PCDHGA1: variants seen among roughly 807,000 people sequenced by gnomAD.
PCDHGA1 encodes protocadherin gamma subfamily A, 1, also known as protocadherin gamma-A1.
A neutral mutation model predicts 58.0 loss-of-function variants in PCDHGA1; 32 were observed. The ratio of observed to expected loss-of-function variants is 0.55; its 90% CI spans 0.42 to 0.74. PCDHGA1 has a LOEUF of 0.74. Among genes scored for constraint, PCDHGA1 ranks in the 30% least tolerant of loss-of-function variants. The pLI is 0.00. For missense variants in PCDHGA1, 1,205 were observed against 1,182.3 expected (o/e 1.02, Z -0.28); for synonymous variants, 498 against 501.1 (o/e 0.99, Z 0.08).
intron 1 of PCDHGA1, chr5:141,360,810 G>A: frequency 6.2e-7 from 1 of 1,613,878 alleles, no homozygotes; most frequent in East Asian, 2.2e-5. Context: ...AAAGTGGCAC[G>A]ACCCAAATCC....
chr5:141,467,284 C>T (rs2099140788), intron 1 of PCDHGA1, among the ~76,000 whole-genome samples: 1 of 152,080 alleles, frequency 6.6e-6, no homozygotes, highest in Non-Finnish European at 1.5e-5. Context: ...AACTCTTGAC[C>T]TCAAGTGATC....
At chr5:141,393,177 G>T (rs1330463387) in intron 1 of PCDHGA1, 1 of 1,613,292 alleles carries the variant, frequency 6.2e-7, no homozygotes, top group Non-Finnish European at 8.5e-7. Context: ...GGTAGAAATA[G>T]AAATAATTGA....
chr5:141,336,643 A>G (rs1308764802), intron 1 of PCDHGA1, among the ~76,000 whole-genome samples: 1 of 152,166 alleles, frequency 6.6e-6, no homozygotes, highest in Non-Finnish European at 1.5e-5. Flanking sequence ...AAGCAATAAA[A>G]CCCTTTTAGT....
intron 1 of PCDHGA1, chr5:141,344,563 ACTT>A (rs1268402490): frequency 4.3e-6 from 7 of 1,614,014 alleles, no homozygotes; most frequent in Non-Finnish European, 5.9e-6. Flanking sequence ...CCCAATGACT[ACTT>A]CTCTCTGGCT....
rs11410533 is a variant in PCDHGA1, at chr5:141,429,387, TAAAA to T, written c.2422-65415_2422-65412del. Among the ~76,000 whole-genome samples, 383 of 151,446 alleles carry T rather than the reference TAAAA, an allele frequency of 2.5e-3. 1 individual carries two copies. The highest frequency in any genetic ancestry group is 4.2e-3 in the South Asian group (20 of 4,786). ...AAATGGAGAAAATGTGTTTTTTTTT[TAAAA>T]AAAATTGAGATTAAGGTCTCATTAT... On this transcript the variant is annotated intron_variant, in intron 1 of 3. Transcript: ENST00000517417.
chr5:141,399,627 CG>C (rs2093851448), intron 1 of PCDHGA1: 1 of 1,613,906 alleles, frequency 6.2e-7, no homozygotes, highest in Non-Finnish European at 8.5e-7. Context: ...TGGCCTCTTA[CG>C]TGTCCATGAG....
intron 1 of PCDHGA1, chr5:141,364,231 C>G: frequency 7.2e-7 from 1 of 1,392,330 alleles, no homozygotes; most frequent in Non-Finnish European, 9.6e-7. Flanking sequence ...CAACGCTCCA[C>G]GCCCATTTTC....
chr5:141,492,077 C>G (rs917149790), intron 1 of PCDHGA1: 1 of 483,342 alleles, frequency 2.1e-6, no homozygotes, highest in African/African-American at 2.0e-5. Context: ...GGCGCCGGCT[C>G]CGGCACGCTT....
chr5:141,389,264 C>T, intron 1 of PCDHGA1: 1 of 1,614,018 alleles, frequency 6.2e-7, no homozygotes, highest in South Asian at 1.1e-5. Flanking sequence ...TCCACGTGGC[C>T]GAGAACAACC....
At chr5:141,352,763 G>A in intron 1 of PCDHGA1, 2 of 1,302,156 alleles carry the variant, frequency 1.5e-6, no homozygotes, top group South Asian at 2.8e-5. Context: ...GCTGAGGCAG[G>A]TGGATCACTT....
chr5:141,423,138 C>A (rs767107885), intron 1 of PCDHGA1: 3 of 1,613,606 alleles, frequency 1.9e-6, no homozygotes, highest in Non-Finnish European at 2.5e-6. Context: ...TGGACAGAGA[C>A]GCGCTCAAGC....
At chr5:141,422,989 C>T (rs777558098) in intron 1 of PCDHGA1, 1 of 1,614,232 alleles carries the variant, frequency 6.2e-7, no homozygotes, top group African/African-American at 1.3e-5. Flanking sequence ...ACCTGGCTAC[C>T]TGGTGACCAA....
At chr5:141,403,876 T>A (rs1189942027) in intron 1 of PCDHGA1, 3 of 1,613,702 alleles carry the variant, frequency 1.9e-6, no homozygotes, top group African/African-American at 1.3e-5. Flanking sequence ...AAAGTCTAGA[T>A]TATGAAGAAT....
intron 1 of PCDHGA1, among the ~76,000 whole-genome samples, chr5:141,354,011 GT>G (rs1408214396): frequency 1.1e-4 from 17 of 152,190 alleles, no homozygotes; most frequent in African/African-American, 4.1e-4. Flanking sequence ...GTAAATTACT[GT>G]AAGTATTCAT....
At chr5:141,412,906 T>G in intron 1 of PCDHGA1, 1 of 384,208 alleles carries the variant, frequency 2.6e-6, no homozygotes, top group Non-Finnish European at 4.6e-6. Context: ...TTCCATTGCA[T>G]GTATCACTTG....
At chr5:141,418,499 G>A (rs775606988) in intron 1 of PCDHGA1, 1 of 1,613,962 alleles carries the variant, frequency 6.2e-7, no homozygotes, top group Non-Finnish European at 8.5e-7. Context: ...GGTACTGACC[G>A]CCTTAGATGG....
At position 141,422,850 on chromosome 5, in the gene PCDHGA1, G is replaced by A. The variant is rs184432819; in HGVS notation, c.2422-71957G>A. On this transcript the variant is annotated intron_variant, in intron 1 of 3. Transcript: ENST00000517417. Reference sequence around the variant, plus strand: ...TGATAGCACGTGACAGCGGGGACCCGCCCCTCAGCAGCAACGTGTCGCTGA... The same window carrying A: ...TGATAGCACGTGACAGCGGGGACCCACCCCTCAGCAGCAACGTGTCGCTGA... 154 of 1,614,204 alleles carry A rather than the reference G, an allele frequency of 9.5e-5. 1 individual carries two copies. The African/African-American group carries it at 1.3e-3, about 14-fold the overall frequency.
chr5:141,415,465 A>G (rs751798354), intron 1 of PCDHGA1: 19 of 1,613,976 alleles, frequency 1.2e-5, no homozygotes, highest in Non-Finnish European at 1.5e-5. Context: ...GGTCTCTCTC[A>G]CCGCGGACTC....
chr5:141,477,536 G>T lies in PCDHGA1; in HGVS notation c.2422-17271G>T. 1.2e-6 allele frequency: 2 copies of T among 1,614,076 alleles called. No homozygotes were observed. Among genetic ancestry groups the T allele is most frequent in the Non-Finnish European group, 1.7e-6 (2 of 1,180,018 alleles). ...CATTGAAGAAAACAACCTCCCCGGG[G>T]CTCCAATACTAAACCTAAGTGTCTG... On this transcript the variant is annotated intron_variant, in intron 1 of 3. Coordinates refer to ENST00000517417, the MANE Select transcript of PCDHGA1 (RefSeq NM_018912.3). The surrounding 1 kb of genome is among the most constrained non-coding windows in gnomAD (Gnocchi z 4.9).
Sources: allele counts gnomAD v4.1 joint callset (sites outside exome capture counted in the v4.1 genomes callset), GRCh38; gene constraint gnomAD v4.1.1; non-coding constraint Gnocchi (gnomAD v3.1); transcripts MANE v1.5; gene names NCBI Gene and HGNC (gene_info 2026-07-23, HGNC 2026-07-21).